The following SSBP3 variants were observed in gnomAD, a reference collection of about 807,000 sequenced individuals.
The protein encoded by SSBP3 is single-stranded DNA-binding protein 3.
Under a neutral mutation model 69.6 loss-of-function variants are expected in SSBP3, and 5 were observed. The ratio of observed to expected loss-of-function variants is 0.07; its 90% CI spans 0.04 to 0.15. The LOEUF is 0.15. Among genes scored for constraint, SSBP3 ranks in the 10% least tolerant of loss-of-function variants. The pLI, the probability that SSBP3 is intolerant of heterozygous loss-of-function variation, is 1.00. For synonymous variants in SSBP3, 196 were observed against 193.4 expected (o/e 1.01, Z -0.11); for missense variants, 312 against 534.0 (o/e 0.58, Z 4.10).
intron 4 of SSBP3, among the ~76,000 whole-genome samples, chr1:54,324,290 G>A (rs996029748): frequency 6.6e-6 from 1 of 152,138 alleles, no homozygotes. Flanking sequence ...ATCCCTCTTG[G>A]CAATCAGAAA....
chr1:54,226,542 A>G (rs1215619625), exon 18 of SSBP3: 2 of 153,418 alleles, frequency 1.3e-5, no homozygotes, highest in East Asian at 3.9e-4. Context: ...CCAGTTTATT[A>G]TTATTATTTT....
intron 14 of SSBP3, among the ~76,000 whole-genome samples, chr1:54,233,689 C>T (rs1644430943): frequency 6.8e-6 from 1 of 147,604 alleles, no homozygotes; most frequent in African/African-American, 2.5e-5. Flanking sequence ...TCTGCCCGGC[C>T]AGCCGCCCCG....
chr1:54,400,049 C>A (rs1251999817), intron 4 of SSBP3, among the ~76,000 whole-genome samples: 1 of 152,182 alleles, frequency 6.6e-6, no homozygotes, highest in African/African-American at 2.4e-5. Flanking sequence ...AATGTCAACG[C>A]CAACCTCAGT....
At chr1:54,393,752 G>A (rs919423423) in intron 4 of SSBP3, among the ~76,000 whole-genome samples, 5 of 152,096 alleles carry the variant, frequency 3.3e-5, no homozygotes, top group Non-Finnish European at 5.9e-5. Flanking sequence ...ACCTTATAAA[G>A]GCATACTTTA....
intron 4 of SSBP3, among the ~76,000 whole-genome samples, chr1:54,299,974 T>A (rs2100993809): frequency 6.6e-6 from 1 of 152,300 alleles, no homozygotes; most frequent in African/African-American, 2.4e-5. Context: ...TATGCATTTG[T>A]ACAGACTTCC....
chr1:54,404,983 C>G (rs145679586), intron 1 of SSBP3, 53 bp from the exon 2 acceptor site: 4 of 1,516,742 alleles, frequency 2.6e-6, no homozygotes, highest in South Asian at 1.1e-5. Flanking sequence ...CAGATCCCAC[C>G]GGCGCTCTCC....
chr1:54,392,473 C>T lies in SSBP3; in HGVS notation c.276+9388G>A, dbSNP rs767218902. ...GCACACATAAATCACTGAAAACAGA[C>T]ATTTCCAGAAACAATATTTGTGTTT... On this transcript the variant is annotated intron_variant, in intron 4 of 17. Transcript: ENST00000610401. Among the ~76,000 whole-genome samples the T allele has an allele frequency of 7.2e-5, 11 of 152,244 alleles. No homozygotes were observed. In the South Asian group the frequency reaches 2.1e-3, roughly 29 times the overall value.
chr1:54,368,910 A>C (rs1271302046), intron 4 of SSBP3, among the ~76,000 whole-genome samples: 2 of 152,214 alleles, frequency 1.3e-5, no homozygotes, highest in African/African-American at 4.8e-5. Flanking sequence ...TGACTAAATC[A>C]GAGGTACCTA....
At chr1:54,279,331 G>A (rs879864976) in intron 5 of SSBP3, among the ~76,000 whole-genome samples, 6 of 152,182 alleles carry the variant, frequency 3.9e-5, no homozygotes, top group Non-Finnish European at 7.3e-5. Context: ...CACCCCAAAC[G>A]TCACAGGGGA....
At chr1:54,312,448 T>A (rs113741124) in intron 4 of SSBP3, among the ~76,000 whole-genome samples, 79 of 151,082 alleles carry the variant, frequency 5.2e-4, no homozygotes, top group African/African-American at 1.9e-3. Flanking sequence ...ATTAGCCGGG[T>A]GTGGTGGCGG....
upstream of SSBP3, among the ~76,000 whole-genome samples, chr1:54,406,920 G>C (rs996707712): frequency 2.8e-5 from 4 of 144,906 alleles, no homozygotes; most frequent in African/African-American, 1.0e-4. Flanking sequence ...CCTAGGCTCC[G>C]ACCCCGACCC....
At chr1:54,386,912 A>G (rs912034710) in intron 4 of SSBP3, among the ~76,000 whole-genome samples, 1 of 151,668 alleles carries the variant, frequency 6.6e-6, no homozygotes, top group African/African-American at 2.4e-5. Context: ...CCAGCTACTT[A>G]CTACTCAACA....
At chr1:54,390,339 C>A (rs773350245) in intron 4 of SSBP3, among the ~76,000 whole-genome samples, 1 of 152,176 alleles carries the variant, frequency 6.6e-6, no homozygotes, top group Non-Finnish European at 1.5e-5. Flanking sequence ...AAGACTGTCA[C>A]TCTCTAAAAT....
chr1:54,354,493 G>A (rs1646832303), intron 4 of SSBP3, among the ~76,000 whole-genome samples: 1 of 152,186 alleles, frequency 6.6e-6, no homozygotes, highest in Admixed American at 6.5e-5. Flanking sequence ...AGCCCCAGGA[G>A]GGTACACACT....
intron 4 of SSBP3, among the ~76,000 whole-genome samples, chr1:54,316,610 C>A (rs1266552291): frequency 7.2e-6 from 1 of 138,418 alleles, no homozygotes. Context: ...CACTGCAGTC[C>A]GCAGTCCCAC....
exon 18 of SSBP3, chr1:54,225,474 T>A: frequency 1.7e-6 from 2 of 1,175,408 alleles, no homozygotes; most frequent in Non-Finnish European, 2.1e-6. Context: ...TATCAACATA[T>A]ATCGTACACA....
At chr1:54,412,088 T>C (rs1001770894) in intron 1 of SSBP3, among the ~76,000 whole-genome samples, 2 of 152,094 alleles carry the variant, frequency 1.3e-5, no homozygotes, top group African/African-American at 4.8e-5. Flanking sequence ...GTCACTCTTC[T>C]CCAAGGTAAA....
intron 9 of SSBP3, among the ~76,000 whole-genome samples, chr1:54,247,691 AAACAAC>A (rs781780457): frequency 6.6e-6 from 1 of 152,132 alleles, no homozygotes. Context: ...TGAATACCAG[AAACAAC>A]AACAAGTCGG....
intron 4 of SSBP3, among the ~76,000 whole-genome samples, chr1:54,315,587 C>CT (rs201326527): frequency 2.0e-4 from 29 of 147,706 alleles, no homozygotes; most frequent in African/African-American, 7.0e-4. Flanking sequence ...ATTAAGACAA[C>CT]TTTTTTTTAA....
Sources: gnomAD v4.1 joint callset for allele counts (sites outside exome capture counted in the v4.1 genomes callset) on GRCh38, gnomAD v4.1.1 for gene constraint, MANE v1.5 for transcripts, NCBI Gene and HGNC (gene_info 2026-07-23, HGNC 2026-07-21) for gene names.